TEP1: variants seen among roughly 807,000 people sequenced by gnomAD.
The protein encoded by TEP1 is telomerase protein component 1.
In TEP1, 241 loss-of-function variants were observed where a neutral mutation model predicts 306.3. The ratio of observed to expected loss-of-function variants is 0.79; its 90% CI spans 0.71 to 0.88. TEP1 has a LOEUF of 0.88. Ranked by LOEUF, TEP1 falls within the 40% of genes least tolerant of loss-of-function variation. The pLI, the probability that TEP1 is intolerant of heterozygous loss-of-function variation, is 0.00. For missense variants in TEP1, 3,051 were observed against 3,276.1 expected, an observed-to-expected ratio of 0.93 and a Z score of 1.68; for synonymous variants, 1,289 against 1,305.5, an observed-to-expected ratio of 0.99 and a Z score of 0.27.
intron 9 of TEP1, among the ~76,000 whole-genome samples, chr14:20,400,375 C>T (rs993146238): frequency 3.3e-5 from 5 of 150,886 alleles, no homozygotes; most frequent in African/African-American, 1.2e-4. Flanking sequence ...TGCTTGAGGC[C>T]ATGAGTTTGA....
Position 20,372,751 on chromosome 14 carries a change from GA to G in TEP1, c.7057del (p.Ser2353ArgfsTer6). On this transcript the variant is annotated frameshift_variant, in exon 49 of 55. Transcript: ENST00000262715. LOFTEE classifies it high-confidence loss of function. ...GTTTCACCTCAAATTTCCGGGTGCC[GA>G]ACCCTTCCGCAGTTTCACTTGCCAC... ...SEWQVKLRKGSAPGNLSLHLN... is the reference protein window; with the variant it reads ...SEWQVKLRKGXAPGNLSLHLN... 6.2e-7 allele frequency: 1 copy of G among 1,613,960 alleles called. No individual in the cohort carries two copies. The highest frequency in any genetic ancestry group is 8.5e-7 in the Non-Finnish European group (1 of 1,179,978).
chr14:20,384,534 G>A (rs1156921241), intron 22 of TEP1, 26 bp from the exon 23 acceptor site: 1 of 1,613,846 alleles, frequency 6.2e-7, no homozygotes, highest in African/African-American at 1.3e-5. Context: ...GCACAACCAG[G>A]TCAGAGCAGG....
Position 20,395,645 on chromosome 14 carries a change from A to C in TEP1, c.1751-18T>G. The C allele has an allele frequency of 6.3e-7, 1 of 1,585,938 alleles. No homozygotes were observed. The highest frequency in any genetic ancestry group is 8.6e-7 in the Non-Finnish European group (1 of 1,157,704). ...GGGCAATGCTGTATGATGACAGGTA[A>C]ATTTCCGAGTTAGGCAGCTTCTATT... On this transcript the variant is annotated intron_variant, in intron 11 of 54. Transcript: ENST00000262715.
chr14:20,377,045 A>G (rs769209529), intron 41 of TEP1, among the ~76,000 whole-genome samples: 2 of 151,990 alleles, frequency 1.3e-5, no homozygotes, highest in African/African-American at 2.4e-5. Flanking sequence ...GTGAAACCCC[A>G]TCTCTACTAA....
intron 43 of TEP1, 31 bp from the exon 44 acceptor site, chr14:20,374,567 T>A: frequency 1.3e-6 from 2 of 1,522,952 alleles, no homozygotes; most frequent in South Asian, 1.1e-5. Context: ...GGAGTGGGAT[T>A]ATCAGCATCC....
Position 20,368,541 on chromosome 14 carries a change from C to T in TEP1, c.7780G>A (p.Glu2594Lys), listed in dbSNP as rs1220528373. 9 of 1,614,154 alleles carry T rather than the reference C, an allele frequency of 5.6e-6. 1 individual carries two copies. The highest frequency in any genetic ancestry group is 5.0e-5 in the Admixed American group (3 of 60,028). The change falls in exon 55 of 55, where the codon GAA becomes AAA. Residue 2594 changes from glutamate (E) to lysine (K), a missense_variant. Physicochemically the swap from Glu to Lys is moderately conservative, Grantham distance 56. Around this residue, in one of 3 missense-constraint regions of TEP1, gnomAD observed 1,540 missense variants for 1,705.9 expected, o/e 0.90. Coordinates refer to ENST00000262715, the MANE Select transcript of TEP1 (RefSeq NM_007110.5). ...SMQLLGLFRC[E>K]GSVSCLEPWL... ...GGTTCCAGGCAGCTCACTGACCCTT[C>T]GCATCGGAACAGGCCCAGCTACGAT...
In TEP1 at chr14:20,382,113, GC is replaced by G. The variant is rs754475543; in HGVS notation, c.4274-51del. 1.8e-4 allele frequency: 293 copies of G among 1,608,262 alleles called. No homozygotes were observed. The Middle Eastern group carries it at 2.8e-3, about 15-fold the overall frequency. On this transcript the variant is annotated intron_variant, in intron 29 of 54. Coordinates refer to ENST00000262715, the MANE Select transcript of TEP1 (RefSeq NM_007110.5). ...CCTCATCTAACCATACGGTGTCCCC[GC>G]CCCCACCACACCCAGTCTCTCCTTG...
At chr14:20,384,781 C>G in intron 21 of TEP1, 68 bp from the exon 22 acceptor site, 1 of 1,525,062 alleles carries the variant, frequency 6.6e-7, no homozygotes, top group Non-Finnish European at 9.0e-7. Flanking sequence ...CACCAACCAC[C>G]AGACATAGCT....
chr14:20,391,560 C>G (rs375260759), intron 13 of TEP1, 39 bp downstream of exon 13: 21 of 1,587,476 alleles, frequency 1.3e-5, no homozygotes, highest in Non-Finnish European at 1.8e-5. Context: ...CAGCATTCTA[C>G]CAACCCAACC....
In TEP1 at chr14:20,380,293, G is replaced by A. The variant is rs1024646985; in HGVS notation, c.4945C>T (p.His1649Tyr). The A allele has an allele frequency of 2.5e-6, 4 of 1,614,034 alleles. No homozygotes were observed. The African/African-American group carries it at 5.3e-5, about 22-fold the overall frequency. ...AGCCATCGTAGTGTGTGTTGGAGGTGCCATCTCCGGGAGAGCAGCGAGGCT... is the reference window on the plus strand; with the variant it reads ...AGCCATCGTAGTGTGTGTTGGAGGTACCATCTCCGGGAGAGCAGCGAGGCT... ...HQASLLSRRW[H>Y]LQHTLRWLNK... The change falls in exon 34 of 55, where the codon CAC (histidine) becomes TAC (tyrosine). Residue 1649 changes from histidine to tyrosine, a missense_variant. Physicochemically the swap from His to Tyr is moderately conservative, Grantham distance 83. Around this residue, in one of 3 missense-constraint regions of TEP1, gnomAD observed 1,540 missense variants for 1,705.9 expected, o/e 0.90. Coordinates refer to ENST00000262715, the MANE Select transcript of TEP1 (RefSeq NM_007110.5).
Position 20,407,865 on chromosome 14 carries a change from G to A in TEP1, c.567+8C>T. 1 of 1,581,414 alleles carries A rather than the reference G, an allele frequency of 6.3e-7. No homozygotes were observed. ...GCTGGAGTCAAGATGAGTGCCTGGA[G>A]CTATTACCAAAGTTGCTTCCTGAGC... On this transcript the variant is annotated splice_region_variant and intron_variant, in intron 2 of 54. Transcript: ENST00000262715.
In TEP1 at chr14:20,370,790, G is replaced by A. The variant is rs540333340; in HGVS notation, c.7317+428C>T. Among the ~76,000 whole-genome samples, 46 of 152,214 alleles carry A rather than the reference G, an allele frequency of 3.0e-4. No individual in the cohort carries two copies. The South Asian group carries it at 5.4e-3, about 18-fold the overall frequency. ...TTTAATAACCTTCCCAATAACAAGC[G>A]GCTCCCAGGAAACTGCATTTGAAGT... is the stretch of plus-strand genomic sequence containing the variant. On this transcript the variant is annotated intron_variant, in intron 51 of 54. Transcript: ENST00000262715.
rs775869893 is a variant in TEP1 at position 20,386,437 on chromosome 14, G to A, written c.2861+10C>T. ...CCCGACCCAGCCCCTCTTCTCTGCA[G>A]CCCCCACACCTGTTCCTACGGGTCT... On this transcript the variant is annotated intron_variant, in intron 19 of 54. Coordinates refer to ENST00000262715, the MANE Select transcript of TEP1 (RefSeq NM_007110.5). 126 of 1,590,070 alleles carry A rather than the reference G, an allele frequency of 7.9e-5. No individual in the cohort carries two copies. The highest frequency in any genetic ancestry group is 4.3e-4 in the South Asian group (38 of 89,036).
In TEP1 at chr14:20,376,121, T is replaced by A. The variant is rs767765702; in HGVS notation, c.6232A>T (p.Thr2078Ser). The A allele has an allele frequency of 4.3e-6, 7 of 1,613,924 alleles. No individual in the cohort carries two copies. Among genetic ancestry groups the A allele is most frequent in the Non-Finnish European group, 5.9e-6 (7 of 1,180,010 alleles). ...SFSTDGGSLA[T>S]GGRDRSLLCW... ...CAGCTCACCCGATCCCGGCCCCCGGTGGCCAGGCTGCCTCCATCAGTGCTG... is the reference window on the plus strand; with the variant it reads ...CAGCTCACCCGATCCCGGCCCCCGGAGGCCAGGCTGCCTCCATCAGTGCTG... Residue 2078 changes from threonine (T) to serine (S), a missense_variant, in exon 42 of 55, where the codon ACC becomes TCC. Physicochemically the swap from Thr to Ser is moderately conservative, Grantham distance 58. Coordinates refer to ENST00000262715, the MANE Select transcript of TEP1 (RefSeq NM_007110.5).
In TEP1 at chr14:20,381,486, T is replaced by C. The variant is rs1226381818; in HGVS notation, c.4558+67A>G. 6.2e-7 allele frequency: 1 copy of C among 1,612,428 alleles called. No homozygotes were observed. The highest frequency in any genetic ancestry group is 1.3e-5 in the African/African-American group (1 of 74,920). ...AGCTGGCCAGCAGATGGGAGCACAG[T>C]GGGTGGTCCTGGCCTCCAGGCCCAA... On this transcript the variant is annotated intron_variant, in intron 31 of 54. Coordinates refer to ENST00000262715, the MANE Select transcript of TEP1 (RefSeq NM_007110.5). This position sits in a 1 kb window ranked among gnomAD's most constrained non-coding sequence, Gnocchi z 4.0.
chr14:20,383,971 C>A, intron 24 of TEP1, 53 bp from the exon 25 acceptor site: 1 of 1,588,054 alleles, frequency 6.3e-7, no homozygotes, highest in South Asian at 1.1e-5. Context: ...CCTGAGCTCC[C>A]TGTGCCTTAC....
rs760941445 is a variant in TEP1 at position 20,404,657 on chromosome 14, A to G, written c.986T>C (p.Ile329Thr). ...RPHLRRYFCA[I>T]VQLPSDWIQV... The stretch of plus-strand genomic sequence containing the variant: ...GATCCAGTCAGAAGGCAGCTGGACA[A>G]TGGCACAGAAATATCGTCGCAGGTG... Residue 329 changes from isoleucine (I) to threonine (T), a missense_variant, in exon 5 of 55, where the codon ATT becomes ACT. Physicochemically the swap from Ile to Thr is moderately conservative, Grantham distance 89 (BLOSUM62 -1). This residue lies in a region of TEP1 where 1,507 missense variants were observed against 1,550.5 expected (regional missense o/e 0.97). Coordinates refer to ENST00000262715, the MANE Select transcript of TEP1 (RefSeq NM_007110.5). 1.2e-6 allele frequency: 2 copies of G among 1,614,060 alleles called. No homozygotes were observed. The highest frequency in any genetic ancestry group is 2.7e-5 in the African/African-American group (2 of 74,950).
chr14:20,371,643 A>C lies in TEP1; in HGVS notation c.7077-11T>G, dbSNP rs372160003. On this transcript the variant is annotated splice_polypyrimidine_tract_variant and intron_variant, in intron 49 of 54. Transcript: ENST00000262715. ...CGGTTCAGGTGAAGACTAGCTCAAAAAAGTACATGGACAGAGAAAGATCCT... is the reference window on the plus strand; with the variant it reads ...CGGTTCAGGTGAAGACTAGCTCAAACAAGTACATGGACAGAGAAAGATCCT... 99 of 1,565,642 alleles carry C rather than the reference A, an allele frequency of 6.3e-5. No individual in the cohort carries two copies. Among genetic ancestry groups the C allele is most frequent in the Non-Finnish European group, 7.7e-5 (90 of 1,164,710 alleles).
Position 20,368,364 on chromosome 14 carries a change from T to C in TEP1, c.*73A>G. 1 of 1,487,602 alleles carries C rather than the reference T, an allele frequency of 6.7e-7. No homozygotes were observed. The highest frequency in any genetic ancestry group is 2.3e-5 in the East Asian group (1 of 43,282). 92.2% of individuals were successfully genotyped at this position (1,487,602 alleles called of 1,614,324 possible). A position where few individuals can be genotyped will look rare whatever the true frequency, so the allele number is the denominator to read the frequency against. On this transcript the variant is annotated 3_prime_UTR_variant, in exon 55 of 55. Coordinates refer to ENST00000262715, the MANE Select transcript of TEP1 (RefSeq NM_007110.5). ...CAAGAAATTATTAATTTTATAATTA[T>C]TAAAAGCTACCAGTGTCTTCAGGCT... is the stretch of plus-strand genomic sequence containing the variant.
Sources: allele counts gnomAD v4.1 joint callset (sites outside exome capture counted in the v4.1 genomes callset), GRCh38; gene constraint gnomAD v4.1.1; regional missense constraint gnomAD v4.1.1; non-coding constraint Gnocchi (gnomAD v3.1); transcripts MANE v1.5; gene names NCBI Gene and HGNC (gene_info 2026-07-23, HGNC 2026-07-21).